CCDC85A: variants seen among roughly 807,000 people sequenced by gnomAD.
CCDC85A encodes the protein coiled-coil domain-containing protein 85A.
A neutral mutation model predicts 50.2 loss-of-function variants in CCDC85A; 38 were observed. That is an observed-to-expected ratio of 0.76 (90% CI 0.58 to 0.99). The LOEUF (loss-of-function observed/expected upper bound fraction) is 0.99. Among genes scored for constraint, CCDC85A ranks in the 50% least tolerant of loss-of-function variants. The probability of loss-of-function intolerance (pLI) is 0.00; values close to 1 mark genes in which losing one functional copy is unlikely to be tolerated. For synonymous variants in CCDC85A, 366 were observed against 301.4 expected (o/e 1.21, Z -2.22); for missense variants, 820 against 742.0 (o/e 1.11, Z -1.22).
intron 3 of CCDC85A, among the ~76,000 whole-genome samples, chr2:56,356,824 C>A (rs547222982): frequency 1.3e-5 from 2 of 151,014 alleles, no homozygotes; most frequent in Non-Finnish European, 2.9e-5. Flanking sequence ...AATCCCAGCG[C>A]TTTGGGAGGC....
At chr2:56,373,379 TAA>T (rs113972496) in intron 4 of CCDC85A, among the ~76,000 whole-genome samples, 5 of 138,332 alleles carry the variant, frequency 3.6e-5, no homozygotes, top group African/African-American at 1.0e-4. Flanking sequence ...ACTACTTTCA[TAA>T]AAAAAAAAAA....
chr2:56,195,719 G>C (rs1676494706), intron 2 of CCDC85A, among the ~76,000 whole-genome samples: 1 of 152,184 alleles, frequency 6.6e-6, no homozygotes, highest in African/African-American at 2.4e-5. Flanking sequence ...ATAGGAAGCA[G>C]TATCAAGGTT....
chr2:56,302,261 A>G (rs964713942), intron 2 of CCDC85A, among the ~76,000 whole-genome samples: 1 of 152,178 alleles, frequency 6.6e-6, no homozygotes, highest in African/African-American at 2.4e-5. Flanking sequence ...ATCTTCAAAA[A>G]ATAAGAATAA....
intron 2 of CCDC85A, among the ~76,000 whole-genome samples, chr2:56,327,526 G>A (rs569146095): frequency 2.4e-4 from 36 of 152,100 alleles, no homozygotes; most frequent in Non-Finnish European, 2.8e-4. Flanking sequence ...TGTCATATTC[G>A]CCTTTTATGC....
In CCDC85A at chr2:56,192,603, G is replaced by C; in HGVS notation, c.403G>C (p.Gly135Arg). The change falls in exon 2 of 6, where the codon GGG (glycine) becomes CGG (arginine). Residue 135 changes from glycine (G) to arginine (R), a missense_variant. Transcript: ENST00000407595. The surrounding 1 kb of genome is among the most constrained non-coding windows in gnomAD (Gnocchi z 4.7). ...GCAGAGACTGGGTCGCTACACTGCC[G>C]GGGTGATGCACAAGGAAGTGGCCTT... Reference protein sequence around the residue: ...EWQRLGRYTAGVMHKEVALYL... With the variant: ...EWQRLGRYTARVMHKEVALYL... 6.2e-7 allele frequency: 1 copy of C among 1,613,918 alleles called. No homozygotes were observed. The highest frequency in any genetic ancestry group is 8.5e-7 in the Non-Finnish European group (1 of 1,179,860).
At chr2:56,348,331 G>A (rs945901232) in intron 3 of CCDC85A, among the ~76,000 whole-genome samples, 11 of 152,242 alleles carry the variant, frequency 7.2e-5, no homozygotes, top group Admixed American at 3.3e-4. Flanking sequence ...AGAGGCACCC[G>A]GAACTGCCTG....
chr2:56,252,860 C>A (rs1419463709), intron 2 of CCDC85A, among the ~76,000 whole-genome samples: 1 of 151,948 alleles, frequency 6.6e-6, no homozygotes, highest in South Asian at 2.1e-4. Flanking sequence ...CATGTCCCTG[C>A]AAAGGACATG....
At chr2:56,238,685 G>T (rs1669128101) in intron 2 of CCDC85A, among the ~76,000 whole-genome samples, 2 of 152,076 alleles carry the variant, frequency 1.3e-5, no homozygotes, top group African/African-American at 2.4e-5. Context: ...TTGTTCCCAT[G>T]GTCACTGAGA....
intron 2 of CCDC85A, among the ~76,000 whole-genome samples, chr2:56,302,493 A>G (rs566726620): frequency 8.1e-4 from 123 of 152,312 alleles, no homozygotes; most frequent in African/African-American, 2.5e-3. Context: ...CTGTCACCTG[A>G]CAAAGACAGA....
rs992148212 is a variant in CCDC85A at position 56,226,144 on chromosome 2, C to G, written c.1240+32704C>G. On this transcript the variant is annotated intron_variant, in intron 2 of 5. Coordinates refer to ENST00000407595, the MANE Select transcript of CCDC85A (RefSeq NM_001080433.2). ...GTGTAATGAACTGTGGTTAAGACTCCAAGCTTTGTAGTCAAATGGACTTGA... is the reference window on the plus strand; with the variant it reads ...GTGTAATGAACTGTGGTTAAGACTCGAAGCTTTGTAGTCAAATGGACTTGA... 4.6e-5 allele frequency among the ~76,000 whole-genome samples: 7 copies of G among 152,136 alleles called. No individual in the cohort carries two copies. In the South Asian group the frequency reaches 6.2e-4, roughly 14 times the overall value.
chr2:56,383,452 A>G (rs1026895263), intron 5 of CCDC85A: 18 of 251,524 alleles, frequency 7.2e-5, no homozygotes, highest in Non-Finnish European at 9.4e-5. Context: ...GTATTGATGT[A>G]TTATTGGTGA....
At chr2:56,337,915 G>C (rs1674157608) in intron 2 of CCDC85A, among the ~76,000 whole-genome samples, 1 of 151,884 alleles carries the variant, frequency 6.6e-6, no homozygotes, top group African/African-American at 2.4e-5. Flanking sequence ...CTCCCGAGTA[G>C]CTGGGATTAC....
rs141914375 is a variant in CCDC85A, at chr2:56,301,854, C to A, written c.1241-41025C>A. 2.5e-3 allele frequency among the ~76,000 whole-genome samples: 383 copies of A among 152,210 alleles called. 2 individuals carry two copies. The highest frequency in any genetic ancestry group is 8.3e-3 in the African/African-American group (344 of 41,534). ...AGAGCATTAGGACAAATACCTAATA[C>A]GTGCAGGGCTTAAAACCTGGATGGC... On this transcript the variant is annotated intron_variant, in intron 2 of 5. Transcript: ENST00000407595.
At chr2:56,336,685 G>A (rs1179937639) in intron 2 of CCDC85A, among the ~76,000 whole-genome samples, 1 of 152,172 alleles carries the variant, frequency 6.6e-6, no homozygotes, top group East Asian at 1.9e-4. Flanking sequence ...GGGTAACACT[G>A]CCTTAGAAAC....
intron 2 of CCDC85A, among the ~76,000 whole-genome samples, chr2:56,208,999 T>C (rs1677072992): frequency 6.6e-6 from 1 of 152,074 alleles, no homozygotes; most frequent in Admixed American, 6.6e-5. Flanking sequence ...CAGGGTCTGG[T>C]CTAACTCAAG....
rs1431646637 is a variant in CCDC85A at position 56,195,132 on chromosome 2, C to T, written c.1240+1692C>T. Among the ~76,000 whole-genome samples the T allele has an allele frequency of 4.6e-5, 7 of 152,150 alleles. No homozygotes were observed. In the South Asian group the frequency reaches 1.2e-3, roughly 27 times the overall value. On this transcript the variant is annotated intron_variant, in intron 2 of 5. Coordinates refer to ENST00000407595, the MANE Select transcript of CCDC85A (RefSeq NM_001080433.2). ...TGAAACTAAAAGAAAATATTAGGGA[C>T]AAGTGGATCACTTAAAAAACACTTT...
At chr2:56,331,695 A>G (rs1673804394) in intron 2 of CCDC85A, among the ~76,000 whole-genome samples, 1 of 152,210 alleles carries the variant, frequency 6.6e-6, no homozygotes, top group African/African-American at 2.4e-5. Context: ...TTATTCTTTT[A>G]TAGAAAATAC....
intron 2 of CCDC85A, among the ~76,000 whole-genome samples, chr2:56,302,128 C>G (rs974994261): frequency 6.6e-6 from 1 of 151,820 alleles, no homozygotes; most frequent in Non-Finnish European, 1.5e-5. Context: ...TGGTGGTGGG[C>G]GCCTGTAATC....
At chr2:56,334,523 A>T (rs1483049873) in intron 2 of CCDC85A, among the ~76,000 whole-genome samples, 1 of 152,202 alleles carries the variant, frequency 6.6e-6, no homozygotes, top group Non-Finnish European at 1.5e-5. Flanking sequence ...AGGAAAAGGA[A>T]AATTGAAAGA....
Sources: allele counts gnomAD v4.1 joint callset (sites outside exome capture counted in the v4.1 genomes callset), GRCh38; gene constraint gnomAD v4.1.1; non-coding constraint Gnocchi (gnomAD v3.1); transcripts MANE v1.5; gene names NCBI Gene and HGNC (gene_info 2026-07-23, HGNC 2026-07-21).